GABRA2: variants seen among roughly 807,000 people sequenced by gnomAD.
The protein encoded by GABRA2 is gamma-aminobutyric acid type A receptor subunit alpha2, also known as gamma-aminobutyric acid receptor subunit alpha-2.
Under a neutral mutation model 48.7 loss-of-function variants are expected in GABRA2, and 16 were observed. The ratio of observed to expected loss-of-function variants is 0.33; its 90% CI spans 0.22 to 0.50. GABRA2 has a LOEUF of 0.50. Ranked by LOEUF, GABRA2 falls within the 20% of genes least tolerant of loss-of-function variation. GABRA2 has a pLI of 0.98. For synonymous variants in GABRA2, 185 were observed against 184.5 expected, an observed-to-expected ratio of 1.00 and a Z score of -0.02; for missense variants, 275 against 535.6, an observed-to-expected ratio of 0.51 and a Z score of 4.80.
intron 8 of GABRA2, among the ~76,000 whole-genome samples, chr4:46,287,033 A>G (rs1421462504): frequency 6.6e-6 from 1 of 152,134 alleles, no homozygotes; most frequent in East Asian, 1.9e-4. Context: ...ATACAAGGTC[A>G]TGAAGATTTA....
chr4:46,347,641 C>T (rs956347968), intron 3 of GABRA2, among the ~76,000 whole-genome samples: 1 of 151,804 alleles, frequency 6.6e-6, no homozygotes, highest in East Asian at 1.9e-4. Flanking sequence ...ATCAAACTAC[C>T]AGATTAAAAC....
At chr4:46,389,202 GCAGCC>G in intron 1 of GABRA2, 1 of 988,046 alleles carries the variant, frequency 1.0e-6, no homozygotes, top group African/African-American at 1.7e-5. Flanking sequence ...CTAGGGGCAG[GCAGCC>G]CACTTTTGCA....
At chr4:46,390,133 G>A (rs1365605133), upstream of GABRA2, 6 of 930,644 alleles carry the variant, frequency 6.4e-6, no homozygotes, top group Non-Finnish European at 7.7e-6. Flanking sequence ...GCGCCTGGAG[G>A]AGGAGGAGTC....
chr4:46,264,655 T>A (rs569690017), intron 8 of GABRA2, among the ~76,000 whole-genome samples: 2 of 152,162 alleles, frequency 1.3e-5, no homozygotes, highest in Non-Finnish European at 2.9e-5. Flanking sequence ...TTATTGTGAT[T>A]CCTTTCTCTA....
chr4:46,253,086 T>C (rs553446870), intron 9 of GABRA2, among the ~76,000 whole-genome samples: 1 of 151,518 alleles, frequency 6.6e-6, no homozygotes, highest in African/African-American at 2.4e-5. Flanking sequence ...TCAAGGAAAG[T>C]TTGATGGAAG....
At chr4:46,285,719 T>C (rs2109495132) in intron 8 of GABRA2, among the ~76,000 whole-genome samples, 1 of 152,170 alleles carries the variant, frequency 6.6e-6, no homozygotes, top group Non-Finnish European at 1.5e-5. Context: ...AACTATTCCC[T>C]GAAACTATTT....
intron 3 of GABRA2, among the ~76,000 whole-genome samples, chr4:46,350,324 A>G (rs1021122209): frequency 6.6e-6 from 1 of 151,874 alleles, no homozygotes; most frequent in Non-Finnish European, 1.5e-5. Context: ...CTCATGTTAA[A>G]TGTTTGGGAG....
chr4:46,260,368 CTATACATGAGGAG>C (rs1716708496), intron 9 of GABRA2, among the ~76,000 whole-genome samples: 1 of 151,846 alleles, frequency 6.6e-6, no homozygotes, highest in Admixed American at 6.6e-5. Flanking sequence ...CTTAAATCCA[CTATACATGAGGAG>C]TAAGCTATTG....
At chr4:46,305,025 G>C (rs1418080883) in intron 7 of GABRA2, among the ~76,000 whole-genome samples, 4 of 151,744 alleles carry the variant, frequency 2.6e-5, no homozygotes, top group Non-Finnish European at 5.9e-5. Context: ...TTTTAGGCCA[G>C]TGTTTCTCAA....
chr4:46,387,627 A>C (rs1001167184), intron 2 of GABRA2, among the ~76,000 whole-genome samples: 1 of 152,156 alleles, frequency 6.6e-6, no homozygotes, highest in Non-Finnish European at 1.5e-5. Flanking sequence ...GTGTTTCTTA[A>C]TCACATTTTA....
chr4:46,253,836 G>T (rs73244119), intron 9 of GABRA2, among the ~76,000 whole-genome samples: 1 of 151,470 alleles, frequency 6.6e-6, no homozygotes, highest in Non-Finnish European at 1.5e-5. Flanking sequence ...AGCTTTTCTG[G>T]CTCAGAATTT....
chr4:46,262,998 G>A (rs1468915487), intron 8 of GABRA2, among the ~76,000 whole-genome samples: 6 of 151,086 alleles, frequency 4.0e-5, no homozygotes, highest in Non-Finnish European at 5.9e-5. Context: ...GAGGGAGAGA[G>A]AGAAAGAAAG....
chr4:46,389,802 GGAGAGAGAGAGAGAGA>G lies in GABRA2; in HGVS notation c.-94_-79del, dbSNP rs11503017. On this transcript the variant is annotated 5_prime_UTR_variant, in exon 1 of 10. Coordinates refer to ENST00000381620, the MANE Select transcript of GABRA2 (RefSeq NM_000807.4). The stretch of plus-strand genomic sequence containing the variant: ...TGATCTTGACGAGATAGGAAACTTG[GGAGAGAGAGAGAGAGA>G]GAGAGAGAGAGAGAGAGAGAGAGAG... The G allele has an allele frequency of 1.1e-3, 298 of 270,284 alleles. No individual in the cohort carries two copies. The East Asian group carries it at 0.012, about 11-fold the overall frequency. The allele number at this position is 270,284 out of a possible 1,614,324, so 16.7% of individuals were successfully genotyped here.
At chr4:46,294,600 G>A (rs930083277) in intron 8 of GABRA2, among the ~76,000 whole-genome samples, 6 of 152,168 alleles carry the variant, frequency 3.9e-5, no homozygotes, top group Non-Finnish European at 7.3e-5. Context: ...TGGGCCATAT[G>A]ACCTAGCAGA....
intron 8 of GABRA2, among the ~76,000 whole-genome samples, chr4:46,301,456 G>A (rs1051803581): frequency 7.9e-5 from 12 of 152,108 alleles, no homozygotes; most frequent in East Asian, 1.9e-4. Flanking sequence ...ATTTTATTAC[G>A]ATGACCTATA....
intron 3 of GABRA2, among the ~76,000 whole-genome samples, chr4:46,377,336 C>T (rs2109335992): frequency 6.6e-6 from 1 of 151,614 alleles, no homozygotes; most frequent in East Asian, 2.0e-4. Context: ...TGAGGAGCGT[C>T]TCTGCCCAGC....
At chr4:46,357,327 G>A (rs1198264785) in intron 3 of GABRA2, among the ~76,000 whole-genome samples, 5 of 150,000 alleles carry the variant, frequency 3.3e-5, no homozygotes, top group African/African-American at 1.2e-4. Flanking sequence ...GGGTTCAGGA[G>A]GAGAAAAAAG....
In GABRA2 at chr4:46,312,563, GA is replaced by G; in HGVS notation, c.408del (p.His137IlefsTer3). The G allele has an allele frequency of 6.2e-7, 1 of 1,603,276 alleles. No homozygotes were observed. On this transcript the variant is annotated frameshift_variant, in exon 5 of 10. Transcript: ENST00000381620. LOFTEE classifies it high-confidence loss of function. ...AACTTATTTGGCATTGTCATATTAT[GA>G]GCTACTGATTTTTTCCCATTGTGAA... ...TFFHNGKKSV[A>X]HNMTMPNKLL...
intron 9 of GABRA2, 113 bp from the exon 10 acceptor site, chr4:46,250,717 T>G: frequency 1.4e-5 from 10 of 716,096 alleles, no homozygotes; most frequent in Admixed American, 3.1e-5. Context: ...CATCATGCAT[T>G]AGCAAAAAAC....
Sources: allele counts gnomAD v4.1 joint callset (sites outside exome capture counted in the v4.1 genomes callset), GRCh38; gene constraint gnomAD v4.1.1; transcripts MANE v1.5; gene names NCBI Gene and HGNC (gene_info 2026-07-23, HGNC 2026-07-21).